FAM120C: variants seen among roughly 807,000 people sequenced by gnomAD.
The protein encoded by FAM120C is family with sequence similarity 120 member C.
FAM120C carries 14 observed loss-of-function variants against 71.2 expected under a neutral mutation model. The ratio of observed to expected loss-of-function variants is 0.20; its 90% CI spans 0.13 to 0.31. The LOEUF is 0.31. FAM120C is among the 10% of genes least tolerant of loss of function. The pLI is 1.00. For synonymous variants in FAM120C, 354 were observed against 353.2 expected (o/e 1.00, Z -0.03); for missense variants, 500 against 879.0 (o/e 0.57, Z 5.45).
chrX:54,075,881 G>A, intron 15 of FAM120C, among the ~76,000 whole-genome samples: 1 of 110,631 alleles, frequency 9.0e-6, no homozygotes. Flanking sequence ...TCGGGAGGCC[G>A]AGGCGGGCGG....
chrX:54,179,669 C>T (rs1302125844), intron 1 of FAM120C, among the ~76,000 whole-genome samples: 2 of 111,193 alleles, frequency 1.8e-5, no homozygotes, highest in African/African-American at 6.5e-5. Flanking sequence ...GTCTTAAATC[C>T]ATTATATTAA....
At chrX:54,091,215 A>G in intron 11 of FAM120C, 97 bp downstream of exon 11, 1 of 529,228 alleles carries the variant, frequency 1.9e-6, no homozygotes, top group Admixed American at 3.8e-5. Flanking sequence ...TACCTGCAGA[A>G]CTTACTATTT....
chrX:54,101,023 A>T (rs782515472), intron 10 of FAM120C, among the ~76,000 whole-genome samples: 2 of 111,054 alleles, frequency 1.8e-5, no homozygotes, highest in East Asian at 5.7e-4. Flanking sequence ...ACAGTAGGGG[A>T]TCTCTGTGGT....
In FAM120C at chrX:54,073,195, T is replaced by C. The variant is rs146285047; in HGVS notation, c.3129A>G (p.Glu1043=). 6.5e-5 allele frequency: 79 copies of C among 1,209,180 alleles called. No individual in the cohort carries two copies. In the Middle Eastern group the frequency reaches 6.9e-4, roughly 10 times the overall value. The change falls in exon 16 of 16, where the codon GAA becomes GAG. Residue 1043 remains glutamate (E), a synonymous_variant. Transcript: ENST00000375180. The part of the protein sequence containing the change: ...VNGNSGALIK[E]EKSDHRLPAP... ...CTGGAAGACGATGATCACTCTTCTC[T>C]TCCTTGATCAATGCGCCACTGTTTC...
At chrX:54,164,569 T>C (rs782600164) in intron 1 of FAM120C, among the ~76,000 whole-genome samples, 1 of 112,164 alleles carries the variant, frequency 8.9e-6, no homozygotes, top group African/African-American at 3.2e-5. Context: ...TGTTCATCCA[T>C]ATTGTAGCAT....
In FAM120C at chrX:54,100,591, T is replaced by C. The variant is rs912299934; in HGVS notation, c.2313-9165A>G. Among the ~76,000 whole-genome samples, 3 of 111,942 alleles carry C rather than the reference T, an allele frequency of 2.7e-5. No homozygotes were observed. The East Asian group carries it at 8.4e-4, about 31-fold the overall frequency. On this transcript the variant is annotated intron_variant, in intron 10 of 15. Coordinates refer to ENST00000375180, the MANE Select transcript of FAM120C (RefSeq NM_017848.6). Reference sequence around the variant, plus strand: ...CGGGAGGCTGAGGTGGGAGGACTGCTTGAGCCCAGGAGTTTGAGGCCCCAG... The same window carrying C: ...CGGGAGGCTGAGGTGGGAGGACTGCCTGAGCCCAGGAGTTTGAGGCCCCAG...
At chrX:54,088,815 G>A (rs946525833) in intron 11 of FAM120C, among the ~76,000 whole-genome samples, 2 of 110,015 alleles carry the variant, frequency 1.8e-5, no homozygotes, top group African/African-American at 6.6e-5. Flanking sequence ...TTGGGAGGCT[G>A]AGGTGGGTGG....
At chrX:54,159,250 A>T in intron 2 of FAM120C, 120 bp downstream of exon 2, 1 of 904,750 alleles carries the variant, frequency 1.1e-6, no homozygotes, top group Non-Finnish European at 1.5e-6. Flanking sequence ...AGCAGTGTTT[A>T]GCGTGAAGAC....
Position 54,071,617 on chromosome X carries a change from C to T in FAM120C, c.*1416G>A, listed in dbSNP as rs1215323220. On this transcript the variant is annotated 3_prime_UTR_variant, in exon 16 of 16. Transcript: ENST00000375180. ...AAATGGTAGTCACCTCCCATCCCCC[C>T]TTTTCTCTCCAAACCTTCATAAGGA... is the stretch of plus-strand genomic sequence containing the variant. 8.9e-6 allele frequency: 1 copy of T among 111,960 alleles called. No homozygotes were observed. The highest frequency in any genetic ancestry group is 9.5e-5 in the Admixed American group (1 of 10,516). The allele number at this position is 111,960 out of a possible 1,213,427, so 9.2% of individuals were successfully genotyped here.
chrX:54,128,947 C>T (rs2067043842), intron 9 of FAM120C, among the ~76,000 whole-genome samples: 1 of 110,658 alleles, frequency 9.0e-6, no homozygotes. Context: ...TCCACAAAAC[C>T]GCCATTGTCA....
chrX:54,092,045 C>A (rs1364067675), intron 10 of FAM120C, among the ~76,000 whole-genome samples: 1 of 110,938 alleles, frequency 9.0e-6, no homozygotes, highest in African/African-American at 3.3e-5. Context: ...AAGCCCAGAA[C>A]GTTTTAACAG....
chrX:54,136,445 GT>G, intron 5 of FAM120C, 45 bp downstream of exon 5: 1 of 999,658 alleles, frequency 1.0e-6, no homozygotes, highest in Non-Finnish European at 1.4e-6. Flanking sequence ...GACCAACTCA[GT>G]TTCCCCTATG....
chrX:54,081,594 G>A (rs1430533943), intron 13 of FAM120C, 134 bp from the exon 14 acceptor site: 2 of 619,950 alleles, frequency 3.2e-6, no homozygotes, highest in African/African-American at 4.6e-5. Flanking sequence ...CCAACATGGT[G>A]AAACCCTGTC....
chrX:54,105,493 C>T (rs1254112514), intron 10 of FAM120C, among the ~76,000 whole-genome samples: 3 of 111,793 alleles, frequency 2.7e-5, no homozygotes, highest in South Asian at 3.7e-4. Context: ...CTTTGAAAAC[C>T]AGCACAAGAC....
intron 1 of FAM120C, among the ~76,000 whole-genome samples, chrX:54,162,397 T>C (rs1159480349): frequency 9.0e-6 from 1 of 111,672 alleles, no homozygotes; most frequent in Non-Finnish European, 1.9e-5. Flanking sequence ...TCCTTGATAA[T>C]TCCCCTCCTC....
intron 15 of FAM120C, among the ~76,000 whole-genome samples, chrX:54,074,601 G>A (rs1186952496): frequency 2.7e-5 from 3 of 111,981 alleles, no homozygotes; most frequent in African/African-American, 9.7e-5. Context: ...TTTTTTAGTA[G>A]AGACGGGATT....
At chrX:54,130,574 G>A (rs1477578478) in intron 9 of FAM120C, among the ~76,000 whole-genome samples, 4 of 110,287 alleles carry the variant, frequency 3.6e-5, no homozygotes, top group Non-Finnish European at 5.7e-5. Context: ...TATGGTGGGT[G>A]AAGGGGGACA....
rs139345228 is a variant in FAM120C, at chrX:54,180,699, C to T, written c.699+1801G>A. Among the ~76,000 whole-genome samples the T allele has an allele frequency of 3.3e-3, 371 of 111,903 alleles. 2 individuals are homozygous for T. Among genetic ancestry groups the T allele is most frequent in the African/African-American group, 0.011 (348 of 30,749 alleles). Reference sequence around the variant, plus strand: ...ACATAGGCACAAATCTCAGCCCTGCCACTTATCTCTGGGTGACTTTGGGCA... The same window carrying T: ...ACATAGGCACAAATCTCAGCCCTGCTACTTATCTCTGGGTGACTTTGGGCA... On this transcript the variant is annotated intron_variant, in intron 1 of 15. Coordinates refer to ENST00000375180, the MANE Select transcript of FAM120C (RefSeq NM_017848.6).
At chrX:54,090,086 A>G (rs781916275) in intron 11 of FAM120C, among the ~76,000 whole-genome samples, 2 of 111,174 alleles carry the variant, frequency 1.8e-5, no homozygotes, top group South Asian at 3.8e-4. Context: ...GTGATCCCCA[A>G]TGTTGTAGAT....
Sources: gnomAD v4.1 joint callset for allele counts (sites outside exome capture counted in the v4.1 genomes callset) on GRCh38, gnomAD v4.1.1 for gene constraint, MANE v1.5 for transcripts, NCBI Gene and HGNC (gene_info 2026-07-23, HGNC 2026-07-21) for gene names.